The following ARHGAP35 variants were observed in gnomAD, a reference collection of about 807,000 sequenced individuals.
ARHGAP35 encodes the protein rho GTPase-activating protein 35.
Under a neutral mutation model 111.1 loss-of-function variants are expected in ARHGAP35, and 15 were observed. That is an observed-to-expected ratio of 0.13 (90% confidence interval 0.09 to 0.21). ARHGAP35 has a LOEUF of 0.21. ARHGAP35 is among the 10% of genes least tolerant of loss of function. ARHGAP35 has a pLI of 1.00. For synonymous variants in ARHGAP35, 643 were observed against 710.3 expected (o/e 0.91, Z 1.51); for missense variants, 1,262 against 1,873.0 (o/e 0.67, Z 6.02).
chr19:46,880,127 C>A (rs1244934337), intron 1 of ARHGAP35, among the ~76,000 whole-genome samples: 2 of 151,242 alleles, frequency 1.3e-5, no homozygotes, highest in Non-Finnish European at 3.0e-5. Context: ...AAATCACTTT[C>A]TTTGCTCACC....
chr19:46,998,085 G>C (rs997832178), intron 5 of ARHGAP35, among the ~76,000 whole-genome samples: 1 of 151,920 alleles, frequency 6.6e-6, no homozygotes, highest in Non-Finnish European at 1.5e-5. Flanking sequence ...CTGGGTGACA[G>C]AGTGAGACTC....
At chr19:46,885,522 A>G (rs1012243272) in intron 1 of ARHGAP35, among the ~76,000 whole-genome samples, 1 of 151,744 alleles carries the variant, frequency 6.6e-6, no homozygotes, top group Non-Finnish European at 1.5e-5. Context: ...TCTTCTGCCC[A>G]CCTCCCTCCT....
rs562345699 is a variant in ARHGAP35, at chr19:46,901,514, C to T, written c.-188-16974C>T. Reference sequence around the variant, plus strand: ...CAGAGGTTGCAGTGAGCCGAGATCGCGCCACTGCACTCCAGCCTGGGTGAC... The same window carrying T: ...CAGAGGTTGCAGTGAGCCGAGATCGTGCCACTGCACTCCAGCCTGGGTGAC... On this transcript the variant is annotated intron_variant, in intron 1 of 6. Transcript: ENST00000672722. The surrounding 1 kb of genome is among the most constrained non-coding windows in gnomAD (Gnocchi z 4.5). Among the ~76,000 whole-genome samples the T allele has an allele frequency of 5.3e-5, 8 of 152,252 alleles. No homozygotes were observed. The highest frequency in any genetic ancestry group is 9.6e-5 in the African/African-American group (4 of 41,526).
intron 1 of ARHGAP35, among the ~76,000 whole-genome samples, chr19:46,864,431 A>C (rs998388507): frequency 2.6e-5 from 4 of 152,192 alleles, no homozygotes; most frequent in African/African-American, 9.6e-5. Flanking sequence ...GGGCAATTGT[A>C]TATTAAAGTA....
chr19:46,895,274 C>T (rs972781608), intron 1 of ARHGAP35, among the ~76,000 whole-genome samples: 4 of 152,004 alleles, frequency 2.6e-5, no homozygotes, highest in African/African-American at 9.7e-5. Flanking sequence ...CGCCATTCTC[C>T]TGCTTCAGCC....
At chr19:46,983,054 C>CAAAAAAAAAAAAAAAAAAAA (rs71179281) in intron 3 of ARHGAP35, among the ~76,000 whole-genome samples, 1 of 47,644 alleles carries the variant, frequency 2.1e-5, no homozygotes, top group Non-Finnish European at 3.4e-5. Flanking sequence ...ACCTTGTGTA[C>CAAAAAAAAAAAAAAAAAAAA]AAAAAAAAAA....
At chr19:46,996,424 C>T (rs1168814182) in intron 5 of ARHGAP35, among the ~76,000 whole-genome samples, 4 of 152,040 alleles carry the variant, frequency 2.6e-5, no homozygotes, top group Non-Finnish European at 5.9e-5. Flanking sequence ...TCAATGCAGG[C>T]TTTGTAACTC....
At chr19:46,902,551 A>G (rs2056087476) in intron 1 of ARHGAP35, among the ~76,000 whole-genome samples, 1 of 152,154 alleles carries the variant, frequency 6.6e-6, no homozygotes, top group Non-Finnish European at 1.5e-5. Context: ...CCTTACTGGT[A>G]TGGAATGTGG....
intron 1 of ARHGAP35, among the ~76,000 whole-genome samples, chr19:46,906,544 A>G (rs568489393): frequency 6.6e-6 from 1 of 152,328 alleles, no homozygotes; most frequent in South Asian, 2.1e-4. Context: ...TGTATAAAGT[A>G]TGTACGATTT....
At chr19:46,913,838 A>G (rs1315497238) in intron 1 of ARHGAP35, among the ~76,000 whole-genome samples, 3 of 152,234 alleles carry the variant, frequency 2.0e-5, no homozygotes, top group Non-Finnish European at 2.9e-5. Context: ...TAGAATGGAC[A>G]TTCAGATTCT....
chr19:46,864,360 GTTTA>G (rs2055844657), intron 1 of ARHGAP35, among the ~76,000 whole-genome samples: 1 of 152,052 alleles, frequency 6.6e-6, no homozygotes, highest in South Asian at 2.1e-4. Context: ...CATGTTCTAG[GTTTA>G]TTTATTTTAT....
At chr19:46,982,927 A>G (rs932813759) in intron 3 of ARHGAP35, among the ~76,000 whole-genome samples, 3 of 151,682 alleles carry the variant, frequency 2.0e-5, no homozygotes, top group Admixed American at 6.6e-5. Flanking sequence ...GTGCACACCT[A>G]TAGTCCCTCG....
chr19:47,000,523 C>G lies in ARHGAP35; in HGVS notation c.4335C>G (p.Pro1445=). 2 of 1,613,562 alleles carry G rather than the reference C, an allele frequency of 1.2e-6. No individual in the cohort carries two copies. The highest frequency in any genetic ancestry group is 8.5e-7 in the Non-Finnish European group (1 of 1,179,872). ...ACAATCGGCCCATCACCGAGCCCCC[C>G]GGCGCCAGGCCCAGCTCCCCCTCTG... The part of the protein sequence containing the change: ...FFYNRPITEP[P]GARPSSPSAV... The change falls in exon 7 of 7, where the codon CCC becomes CCG. Residue 1445 remains proline, a synonymous_variant. Transcript: ENST00000672722. The surrounding 1 kb of genome is among the most constrained non-coding windows in gnomAD (Gnocchi z 6.9).
chr19:46,982,140 G>C (rs550624060), intron 3 of ARHGAP35, among the ~76,000 whole-genome samples: 4 of 149,572 alleles, frequency 2.7e-5, no homozygotes, highest in African/African-American at 7.3e-5. Flanking sequence ...GAACCATCAC[G>C]CCTGCCCTGC....
At chr19:46,984,776 G>A (rs1245079229) in intron 3 of ARHGAP35, among the ~76,000 whole-genome samples, 1 of 152,196 alleles carries the variant, frequency 6.6e-6, no homozygotes, top group Non-Finnish European at 1.5e-5. Context: ...TCCATCTAGT[G>A]AAGTTTCAGC....
At chr19:46,963,699 C>T (rs544304090) in intron 3 of ARHGAP35, among the ~76,000 whole-genome samples, 3 of 152,230 alleles carry the variant, frequency 2.0e-5, no homozygotes, top group East Asian at 1.9e-4. Flanking sequence ...CCTGTCACCT[C>T]GAAAGAGGAC....
chr19:46,926,199 CG>C lies in ARHGAP35; in HGVS notation c.3681+3845del, dbSNP rs944523024. Among the ~76,000 whole-genome samples, 6 of 152,126 alleles carry C rather than the reference CG, an allele frequency of 3.9e-5. No homozygotes were observed. Among genetic ancestry groups the C allele is most frequent in the African/African-American group, 1.4e-4 (6 of 41,434 alleles). ...TAGGTCTTTACTATAAAACTGGAGTCGGAGTGAGGGAATCGCTTTCATTTCT... is the reference window on the plus strand; with the variant it reads ...TAGGTCTTTACTATAAAACTGGAGTCGAGTGAGGGAATCGCTTTCATTTCT... On this transcript the variant is annotated intron_variant, in intron 2 of 6. Transcript: ENST00000672722. This position sits in a 1 kb window ranked among gnomAD's most constrained non-coding sequence, Gnocchi z 4.1.
chr19:46,886,573 T>C (rs996748501), intron 1 of ARHGAP35, among the ~76,000 whole-genome samples: 1 of 152,140 alleles, frequency 6.6e-6, no homozygotes, highest in African/African-American at 2.4e-5. Context: ...AAATTGCCAG[T>C]TTTTATTATC....
chr19:46,867,944 A>G (rs1599789268), intron 1 of ARHGAP35, among the ~76,000 whole-genome samples: 1 of 152,206 alleles, frequency 6.6e-6, no homozygotes, highest in African/African-American at 2.4e-5. Flanking sequence ...TCAGCTCACT[A>G]CAAAGTCCGC....
Sources: gnomAD v4.1 joint callset for allele counts (sites outside exome capture counted in the v4.1 genomes callset) on GRCh38, gnomAD v4.1.1 for gene constraint, Gnocchi (gnomAD v3.1) non-coding constraint, MANE v1.5 for transcripts, NCBI Gene and HGNC (gene_info 2026-07-23, HGNC 2026-07-21) for gene names.